The following PPARGC1A variants were observed in gnomAD, a reference collection of about 807,000 sequenced individuals.
PPARGC1A encodes PPARG coactivator 1 alpha.
PPARGC1A carries 25 observed loss-of-function variants against 88.7 expected under a neutral mutation model. The ratio of observed to expected loss-of-function variants is 0.28; its 90% CI spans 0.21 to 0.39. The LOEUF is 0.39. Ranked by LOEUF, PPARGC1A falls within the 10% of genes least tolerant of loss-of-function variation. PPARGC1A has a pLI of 1.00. For synonymous variants in PPARGC1A, 363 were observed against 355.6 expected, an observed-to-expected ratio of 1.02 and a Z score of -0.24; for missense variants, 880 against 968.7, an observed-to-expected ratio of 0.91 and a Z score of 1.22.
the PPARGC1A span, among the ~76,000 whole-genome samples, chr4:24,255,629 C>T: frequency 2.0e-4 from 31 of 152,252 alleles, no homozygotes; most frequent in South Asian, 8.3e-4. Context: ...ATTTTCTCAA[C>T]GTAAATTTGG....
the PPARGC1A span, among the ~76,000 whole-genome samples, chr4:24,221,444 G>A: frequency 2.6e-5 from 4 of 152,148 alleles, no homozygotes; most frequent in African/African-American, 9.7e-5. Context: ...GCAGAACCTG[G>A]TTTTTATCAA....
the PPARGC1A span, among the ~76,000 whole-genome samples, chr4:24,452,179 T>C: frequency 6.6e-6 from 1 of 152,160 alleles, no homozygotes; most frequent in Non-Finnish European, 1.5e-5. Context: ...ATGCAGATTT[T>C]GGACTTACCA....
the PPARGC1A span, among the ~76,000 whole-genome samples, chr4:24,386,131 A>G: frequency 6.6e-6 from 1 of 152,214 alleles, no homozygotes; most frequent in African/African-American, 2.4e-5. Context: ...AACAGAACCA[A>G]TGAAAAAACC....
At position 23,792,597 on chromosome 4, in the gene PPARGC1A, A is replaced by T. The variant is rs1716829250; in HGVS notation, c.*3225T>A. On this transcript the variant is annotated 3_prime_UTR_variant, in exon 13 of 13. Transcript: ENST00000264867. ...GTTGCACTGGAAGAATTATTCTGCT[A>T]CATCTCTTTTAAAAAAGAAAAAAAT... is the stretch of plus-strand genomic sequence containing the variant. The T allele has an allele frequency of 6.6e-6, 1 of 152,494 alleles. No homozygotes were observed. Among genetic ancestry groups the T allele is most frequent in the African/African-American group, 2.4e-5 (1 of 41,412 alleles). The allele number at this position is 152,494 out of a possible 1,614,324, so 9.4% of individuals were successfully genotyped here.
At chr4:23,895,995 C>A (rs1179227326) in intron 1 of PPARGC1A, among the ~76,000 whole-genome samples, 3 of 143,072 alleles carry the variant, frequency 2.1e-5, no homozygotes, top group African/African-American at 8.0e-5. Context: ...TATATATACA[C>A]ACACATATTT....
the PPARGC1A span, among the ~76,000 whole-genome samples, chr4:24,309,456 G>C: frequency 6.6e-6 from 1 of 152,126 alleles, no homozygotes; most frequent in Non-Finnish European, 1.5e-5. Context: ...AGGTTGCAGA[G>C]GTAGGCAGGA....
chr4:23,824,618 C>G, intron 5 of PPARGC1A, 110 bp from the exon 6 acceptor site: 2 of 914,598 alleles, frequency 2.2e-6, no homozygotes, highest in Non-Finnish European at 3.3e-6. Context: ...AAAGACTAAA[C>G]TAAGGAATTC....
chr4:24,300,314 A>T, the PPARGC1A span, among the ~76,000 whole-genome samples: 2 of 82,380 alleles, frequency 2.4e-5, no homozygotes, highest in African/African-American at 8.0e-5. Context: ...GTATTTTTCT[A>T]TACAATAGCA....
At chr4:24,219,380 C>T in the PPARGC1A span, among the ~76,000 whole-genome samples, 5 of 152,150 alleles carry the variant, frequency 3.3e-5, no homozygotes, top group African/African-American at 9.7e-5. Context: ...GCTACATTCC[C>T]GGGCCGAATC....
the PPARGC1A span, among the ~76,000 whole-genome samples, chr4:24,161,022 G>C: frequency 6.6e-6 from 1 of 152,154 alleles, no homozygotes; most frequent in Non-Finnish European, 1.5e-5. Context: ...TTTCATAGCT[G>C]CTGGCTATAG....
chr4:24,163,763 GC>G, the PPARGC1A span, among the ~76,000 whole-genome samples: 1 of 152,114 alleles, frequency 6.6e-6, no homozygotes, highest in Non-Finnish European at 1.5e-5. Flanking sequence ...CTAAATACAT[GC>G]TTTAGCCAGT....
chr4:23,818,794 A>T (rs1014877878), intron 7 of PPARGC1A, among the ~76,000 whole-genome samples: 2 of 137,302 alleles, frequency 1.5e-5, no homozygotes, highest in Non-Finnish European at 3.1e-5. Context: ...ATAAATGGTG[A>T]GTCCCTGGCT....
chr4:24,121,976 C>T, the PPARGC1A span, among the ~76,000 whole-genome samples: 4 of 151,966 alleles, frequency 2.6e-5, no homozygotes, highest in East Asian at 1.9e-4. Flanking sequence ...CTGGGAAGAG[C>T]GCGTCACTGA....
At chr4:23,952,009 G>A in the PPARGC1A span, among the ~76,000 whole-genome samples, 1 of 151,688 alleles carries the variant, frequency 6.6e-6, no homozygotes, top group Admixed American at 6.6e-5. Context: ...TATTTACTGC[G>A]TGGGACACCC....
intron 2 of PPARGC1A, among the ~76,000 whole-genome samples, chr4:23,836,354 G>T (rs575012883): frequency 6.6e-6 from 1 of 152,262 alleles, no homozygotes; most frequent in African/African-American, 2.4e-5. Flanking sequence ...TCAACCTTGG[G>T]TTCTCCTTAC....
intron 2 of PPARGC1A, chr4:23,884,063 T>C (rs1716456412): frequency 6.6e-6 from 1 of 152,208 alleles, no homozygotes; most frequent in Admixed American, 6.5e-5. Flanking sequence ...AGTACTGATC[T>C]TGTGGGAAAG....
At chr4:24,466,905 A>AAAAAAAAAG in the PPARGC1A span, among the ~76,000 whole-genome samples, 2 of 145,152 alleles carry the variant, frequency 1.4e-5, no homozygotes, top group Non-Finnish European at 3.0e-5. Context: ...AAAAAAGAGG[A>AAAAAAAAAG]AGGAAGGAAG....
At position 23,801,829 on chromosome 4, in the gene PPARGC1A, G is replaced by A; in HGVS notation, c.2194C>T (p.Leu732Phe). ...YRYTCDAFAA[L>F]ENGYTLRRSN... Reference sequence around the variant, plus strand: ...CTGCGCAAAGTGTATCCATTTTCAAGAGCAGCAAAAGCATCACAGGTATAA... The same window carrying A: ...CTGCGCAAAGTGTATCCATTTTCAAAAGCAGCAAAAGCATCACAGGTATAA... The change falls in exon 12 of 13, where the codon CTT becomes TTT. Residue 732 changes from leucine to phenylalanine, a missense_variant. Coordinates refer to ENST00000264867, the MANE Select transcript of PPARGC1A (RefSeq NM_013261.5). 1 of 1,613,984 alleles carries A rather than the reference G, an allele frequency of 6.2e-7. No individual in the cohort carries two copies. The highest frequency in any genetic ancestry group is 1.1e-5 in the South Asian group (1 of 91,078).
the PPARGC1A span, among the ~76,000 whole-genome samples, chr4:24,462,241 G>A: frequency 1.1e-4 from 15 of 140,860 alleles, no homozygotes; most frequent in African/African-American, 2.6e-4. Context: ...GCACACCACC[G>A]CACCCGGCTA....
Sources: gnomAD v4.1 joint callset for allele counts (sites outside exome capture counted in the v4.1 genomes callset) on GRCh38, gnomAD v4.1.1 for gene constraint, MANE v1.5 for transcripts, NCBI Gene and HGNC (gene_info 2026-07-23, HGNC 2026-07-21) for gene names.